PLCH1: variants seen among roughly 807,000 people sequenced by gnomAD.
The protein encoded by PLCH1 is 1-phosphatidylinositol 4,5-bisphosphate phosphodiesterase eta-1.
In PLCH1, 60 loss-of-function variants were observed where a neutral mutation model predicts 126.7. That is an observed-to-expected ratio of 0.47 (90% CI 0.38 to 0.59). PLCH1 has a LOEUF of 0.59. Ranked by LOEUF, PLCH1 falls within the 20% of genes least tolerant of loss-of-function variation. The pLI, the probability that PLCH1 is intolerant of heterozygous loss-of-function variation, is 0.00. For synonymous variants in PLCH1, 719 were observed against 734.9 expected (o/e 0.98, Z 0.35); for missense variants, 1,723 against 2,040.0 (o/e 0.84, Z 2.99).
intron 21 of PLCH1, among the ~76,000 whole-genome samples, chr3:155,453,909 G>A (rs1224491521): frequency 6.6e-6 from 1 of 151,836 alleles, no homozygotes; most frequent in Admixed American, 6.6e-5. Flanking sequence ...GAAAAGGATG[G>A]ATACAGGGAG....
Position 155,494,140 on chromosome 3 carries a change from C to T in PLCH1, c.2182+1G>A. 1 of 1,610,116 alleles carries T rather than the reference C, an allele frequency of 6.2e-7. No homozygotes were observed. Among genetic ancestry groups the T allele is most frequent in the Non-Finnish European group, 8.5e-7 (1 of 1,176,384 alleles). Reference sequence around the variant, plus strand: ...TTTATGACTATGAAATTAATACACACCTTTGCACATTTGCTGGGGTTTGAG... The same window carrying T: ...TTTATGACTATGAAATTAATACACATCTTTGCACATTTGCTGGGGTTTGAG... On this transcript the variant is annotated splice_donor_variant, in intron 17 of 22. Coordinates refer to ENST00000460012, the MANE Select transcript of PLCH1 (RefSeq NM_014996.4). LOFTEE classifies it high-confidence loss of function.
intron 10 of PLCH1, among the ~76,000 whole-genome samples, chr3:155,543,626 G>A (rs1219353322): frequency 1.3e-5 from 2 of 152,064 alleles, no homozygotes; most frequent in African/African-American, 4.8e-5. Context: ...AAATGTTAAG[G>A]GCAGCCAGAG....
chr3:155,582,202 A>G (rs533599336), intron 6 of PLCH1, among the ~76,000 whole-genome samples: 2 of 143,420 alleles, frequency 1.4e-5, no homozygotes, highest in African/African-American at 5.2e-5. Context: ...CCTGCCTCAG[A>G]CTCCCAAGTA....
chr3:155,495,097 G>T (rs1242980051), intron 15 of PLCH1, among the ~76,000 whole-genome samples: 1 of 152,086 alleles, frequency 6.6e-6, no homozygotes, highest in Non-Finnish European at 1.5e-5. Context: ...CTATTTGGGA[G>T]AAAGGAATAA....
intron 21 of PLCH1, among the ~76,000 whole-genome samples, chr3:155,458,524 GAGAA>G (rs902722453): frequency 5.8e-5 from 7 of 121,564 alleles, no homozygotes; most frequent in Non-Finnish European, 1.0e-4. Context: ...AAATAAGAAA[GAGAA>G]AGAAAGAAAA....
intron 2 of PLCH1, among the ~76,000 whole-genome samples, chr3:155,696,403 A>C (rs2109058494): frequency 6.6e-6 from 1 of 152,306 alleles, no homozygotes; most frequent in South Asian, 2.1e-4. Flanking sequence ...CAAGGAAAAA[A>C]ATCTAGATCT....
intron 6 of PLCH1, among the ~76,000 whole-genome samples, chr3:155,578,983 C>T (rs181420968): frequency 1.9e-4 from 29 of 152,244 alleles, no homozygotes; most frequent in African/African-American, 4.3e-4. Context: ...TGAACAAACA[C>T]GCCTTACTAA....
chr3:155,627,750 C>T (rs1737501337), intron 2 of PLCH1, among the ~76,000 whole-genome samples: 1 of 148,058 alleles, frequency 6.8e-6, no homozygotes, highest in Non-Finnish European at 1.5e-5. Context: ...TCTAATTTTG[C>T]CAAAAAAAGT....
At chr3:155,732,149 T>C (rs1559970006) in intron 1 of PLCH1, among the ~76,000 whole-genome samples, 1 of 151,816 alleles carries the variant, frequency 6.6e-6, no homozygotes, top group South Asian at 2.1e-4. Context: ...AGAAAATACA[T>C]AGAAATAATT....
At chr3:155,535,293 C>A (rs550617037) in intron 10 of PLCH1, among the ~76,000 whole-genome samples, 1 of 152,266 alleles carries the variant, frequency 6.6e-6, no homozygotes, top group East Asian at 1.9e-4. Flanking sequence ...GTGACGGGAG[C>A]AAACAGGAAG....
chr3:155,727,629 C>A (rs1050989290), intron 1 of PLCH1, among the ~76,000 whole-genome samples: 1 of 152,140 alleles, frequency 6.6e-6, no homozygotes, highest in African/African-American at 2.4e-5. Flanking sequence ...CTCAAGTGAT[C>A]CGCCCGTCTC....
At chr3:155,565,331 T>A (rs1375374300) in intron 7 of PLCH1, among the ~76,000 whole-genome samples, 3 of 152,152 alleles carry the variant, frequency 2.0e-5, no homozygotes, top group Non-Finnish European at 2.9e-5. Context: ...TGTTGAAATA[T>A]AATCCCCTAT....
intron 4 of PLCH1, among the ~76,000 whole-genome samples, chr3:155,588,690 G>A (rs191158505): frequency 9.2e-5 from 14 of 152,232 alleles, no homozygotes; most frequent in East Asian, 3.9e-4. Flanking sequence ...GCACCAACAC[G>A]GAAATCGGCC....
At chr3:155,544,563 C>T (rs1440614523) in intron 10 of PLCH1, among the ~76,000 whole-genome samples, 3 of 152,204 alleles carry the variant, frequency 2.0e-5, no homozygotes, top group Non-Finnish European at 2.9e-5. Flanking sequence ...GAACTCTCCA[C>T]CTCAAATCAA....
chr3:155,499,087 C>A (rs1403057100), intron 14 of PLCH1, among the ~76,000 whole-genome samples: 2 of 152,186 alleles, frequency 1.3e-5, no homozygotes, highest in African/African-American at 4.8e-5. Context: ...TATTGTCTGC[C>A]TTTTCGGTTA....
chr3:155,537,223 A>AAAAAAAAAAAAC (rs1723543591), intron 10 of PLCH1, among the ~76,000 whole-genome samples: 1 of 10,782 alleles, frequency 9.3e-5, no homozygotes, highest in Non-Finnish European at 9.9e-4. Context: ...AAAAAAAAAA[A>AAAAAAAAAAAAC]AAAAAAAAAA....
At chr3:155,710,482 A>G (rs1261078184) in intron 1 of PLCH1, among the ~76,000 whole-genome samples, 2 of 152,216 alleles carry the variant, frequency 1.3e-5, no homozygotes, top group Non-Finnish European at 2.9e-5. Flanking sequence ...AATGATTCAA[A>G]ACATAATTGA....
intron 2 of PLCH1, among the ~76,000 whole-genome samples, chr3:155,655,588 G>A (rs1296546442): frequency 2.6e-5 from 4 of 152,096 alleles, no homozygotes. Flanking sequence ...ATTCACCATG[G>A]AAGCCCAAAT....
At chr3:155,611,880 A>AT (rs1413566861) in intron 2 of PLCH1, among the ~76,000 whole-genome samples, 1 of 152,260 alleles carries the variant, frequency 6.6e-6, no homozygotes, top group Non-Finnish European at 1.5e-5. Flanking sequence ...AACTATACAA[A>AT]TACATAGAAA....
Sources: gnomAD v4.1 joint callset for allele counts (sites outside exome capture counted in the v4.1 genomes callset) on GRCh38, gnomAD v4.1.1 for gene constraint, MANE v1.5 for transcripts, NCBI Gene and HGNC (gene_info 2026-07-23, HGNC 2026-07-21) for gene names.